HHAT: variants seen among roughly 807,000 people sequenced by gnomAD.
HHAT encodes the protein hedgehog acyltransferase, also known as protein-cysteine N-palmitoyltransferase HHAT.
Under a neutral mutation model 70.8 loss-of-function variants are expected in HHAT, and 47 were observed. The ratio of observed to expected loss-of-function variants is 0.66; its 90% CI spans 0.53 to 0.85. The LOEUF (loss-of-function observed/expected upper bound fraction) is 0.85, where lower values mean the gene tolerates loss of function less well. Ranked by LOEUF, HHAT falls within the 40% of genes least tolerant of loss-of-function variation. The pLI is 0.00. For missense variants in HHAT, 609 were observed against 604.8 expected (o/e 1.01, Z -0.07); for synonymous variants, 228 against 247.6 (o/e 0.92, Z 0.74).
chr1:210,464,476 T>C (rs762624187), intron 7 of HHAT, 29 bp from the exon 8 acceptor site: 1 of 1,613,754 alleles, frequency 6.2e-7, no homozygotes, highest in African/African-American at 1.3e-5. Flanking sequence ...TTCTCTTCCA[T>C]GTGTCTGACT....
rs2095281311 is a variant in HHAT, at chr1:210,528,851, A to AT, written c.1043+15664dup. ...GTCTGTAGAAATCTGTGATGCACCT[A>AT]TGTCCTGGTTTATCAGCAAGTCAAA... On this transcript the variant is annotated intron_variant, in intron 9 of 11. Coordinates refer to ENST00000261458, the MANE Select transcript of HHAT (RefSeq NM_018194.6). 3.3e-5 allele frequency among the ~76,000 whole-genome samples: 5 copies of AT among 152,286 alleles called. No homozygotes were observed. The Middle Eastern group carries it at 0.01, about 311-fold the overall frequency.
At chr1:210,571,815 A>C (rs1173929444) in intron 9 of HHAT, among the ~76,000 whole-genome samples, 1 of 152,252 alleles carries the variant, frequency 6.6e-6, no homozygotes, top group African/African-American at 2.4e-5. Context: ...TTGCATGAAC[A>C]GAAGCATTTT....
At chr1:210,496,441 C>G (rs2094645749) in intron 8 of HHAT, among the ~76,000 whole-genome samples, 2 of 152,180 alleles carry the variant, frequency 1.3e-5, no homozygotes, top group African/African-American at 2.4e-5. Context: ...AACTCTGATT[C>G]TCTTCTCTTC....
chr1:210,397,042 A>G (rs2091828624), intron 4 of HHAT, among the ~76,000 whole-genome samples: 1 of 152,250 alleles, frequency 6.6e-6, no homozygotes, highest in African/African-American at 2.4e-5. Context: ...AATAGAAGTG[A>G]AACTAGAGAA....
intron 3 of HHAT, among the ~76,000 whole-genome samples, chr1:210,370,189 T>TC (rs1434969260): frequency 1.4e-4 from 17 of 124,168 alleles, no homozygotes; most frequent in African/African-American, 4.4e-4. Context: ...TTTTTTTTTT[T>TC]CCTGAATGCA....
chr1:210,465,968 G>C (rs1469651575), intron 8 of HHAT, among the ~76,000 whole-genome samples: 1 of 76 alleles, frequency 0.013, no homozygotes, highest in East Asian at 0.5. Context: ...TGCAAGGAAT[G>C]AATTGCAAGG....
intron 6 of HHAT, among the ~76,000 whole-genome samples, chr1:210,405,238 G>C (rs116122386): frequency 1.3e-5 from 2 of 151,846 alleles, no homozygotes; most frequent in Non-Finnish European, 2.9e-5. Context: ...CCAGGCCCCC[G>C]CCTGCCTTCC....
At chr1:210,358,659 A>G (rs1284629346) in intron 2 of HHAT, among the ~76,000 whole-genome samples, 1 of 152,216 alleles carries the variant, frequency 6.6e-6, no homozygotes, top group Non-Finnish European at 1.5e-5. Context: ...TCCTGGAGAA[A>G]TAATCAGTAG....
At chr1:210,549,311 G>T (rs767578805) in intron 9 of HHAT, among the ~76,000 whole-genome samples, 3 of 149,106 alleles carry the variant, frequency 2.0e-5, no homozygotes, top group Non-Finnish European at 2.9e-5. Context: ...TTGGTATTGA[G>T]CCATTGGCAA....
intron 10 of HHAT, among the ~76,000 whole-genome samples, chr1:210,591,560 C>T (rs1558230699): frequency 6.6e-6 from 1 of 151,990 alleles, no homozygotes; most frequent in Non-Finnish European, 1.5e-5. Flanking sequence ...TGAGTATATC[C>T]CAAGCCATAG....
intron 9 of HHAT, among the ~76,000 whole-genome samples, chr1:210,543,294 A>AT (rs952732270): frequency 1.4e-3 from 210 of 151,234 alleles, no homozygotes; most frequent in African/African-American, 4.8e-3. Context: ...CTTTCTCTGA[A>AT]TTTTTTTTTC....
intron 3 of HHAT, among the ~76,000 whole-genome samples, chr1:210,376,567 G>T (rs891125417): frequency 2.6e-5 from 4 of 152,180 alleles, no homozygotes; most frequent in African/African-American, 9.7e-5. Flanking sequence ...AATGGACTGT[G>T]GGGGAAGGAT....
At chr1:210,564,150 A>AT (rs1249121314) in intron 9 of HHAT, among the ~76,000 whole-genome samples, 2 of 147,790 alleles carry the variant, frequency 1.4e-5, no homozygotes, top group Non-Finnish European at 3.0e-5. Flanking sequence ...TTTAGTAGAG[A>AT]TGGGGTTTCA....
intron 9 of HHAT, among the ~76,000 whole-genome samples, chr1:210,537,776 CT>C (rs2095389328): frequency 6.6e-6 from 1 of 152,124 alleles, no homozygotes; most frequent in African/African-American, 2.4e-5. Flanking sequence ...GAGTGTGTTG[CT>C]TGAGGAGATT....
At chr1:210,622,775 G>A (rs1013442608) in intron 10 of HHAT, among the ~76,000 whole-genome samples, 5 of 152,182 alleles carry the variant, frequency 3.3e-5, no homozygotes, top group African/African-American at 1.2e-4. Flanking sequence ...AGGTTTAGGG[G>A]GTGGTTGGAT....
intron 7 of HHAT, among the ~76,000 whole-genome samples, chr1:210,423,103 T>A (rs917057042): frequency 6.6e-6 from 1 of 152,220 alleles, no homozygotes; most frequent in Non-Finnish European, 1.5e-5. Flanking sequence ...GATTGCTGGA[T>A]CATATGGTAG....
chr1:210,438,948 A>G lies in HHAT; in HGVS notation c.856+20623A>G, dbSNP rs1434117288. Among the ~76,000 whole-genome samples the G allele has an allele frequency of 2.0e-5, 3 of 151,894 alleles. No individual in the cohort carries two copies. The East Asian group carries it at 5.8e-4, about 29-fold the overall frequency. On this transcript the variant is annotated intron_variant, in intron 7 of 11. Coordinates refer to ENST00000261458, the MANE Select transcript of HHAT (RefSeq NM_018194.6). ...TTGAGTATCTGTCTGTCTAAGGTCT[A>G]TGGACCTCATGATCAGTTGCCCTTC...
intron 1 of HHAT, among the ~76,000 whole-genome samples, chr1:210,342,395 A>G (rs2086116041): frequency 6.6e-6 from 1 of 152,228 alleles, no homozygotes; most frequent in Non-Finnish European, 1.5e-5. Flanking sequence ...AGTTCCGACC[A>G]GTATTCCCAC....
chr1:210,386,307 C>T (rs1177848225), intron 3 of HHAT, among the ~76,000 whole-genome samples: 81 of 124,288 alleles, frequency 6.5e-4, no homozygotes, highest in Non-Finnish European at 1.2e-3. Flanking sequence ...GGCGGGATTT[C>T]GGCTCACTGC....
Sources: gnomAD v4.1 joint callset for allele counts (sites outside exome capture counted in the v4.1 genomes callset) on GRCh38, gnomAD v4.1.1 for gene constraint, MANE v1.5 for transcripts, NCBI Gene and HGNC (gene_info 2026-07-23, HGNC 2026-07-21) for gene names.